NALF1: variants seen among roughly 807,000 people sequenced by gnomAD.
NALF1 encodes NALCN channel auxiliary factor 1, also known as family with sequence similarity 155 member A.
A neutral mutation model predicts 48.4 loss-of-function variants in NALF1; 3 were observed. That is an observed-to-expected ratio of 0.06 (90% CI 0.03 to 0.16). NALF1 has a LOEUF of 0.16. Ranked by LOEUF, NALF1 falls within the 10% of genes least tolerant of loss-of-function variation. The probability of loss-of-function intolerance (pLI) is 1.00; values close to 1 mark genes in which losing one functional copy is unlikely to be tolerated. For missense variants in NALF1, 526 were observed against 571.5 expected, an observed-to-expected ratio of 0.92 and a Z score of 0.81; for synonymous variants, 262 against 245.7, an observed-to-expected ratio of 1.07 and a Z score of -0.62.
At chr13:107,334,518 G>A (rs1373164263) in intron 1 of NALF1, among the ~76,000 whole-genome samples, 2 of 152,176 alleles carry the variant, frequency 1.3e-5, no homozygotes, top group African/African-American at 4.8e-5. Context: ...CTTAATGAGA[G>A]AGCGCCTTTA....
At chr13:107,512,392 A>AAAAAAAG (rs1369882921) in intron 1 of NALF1, among the ~76,000 whole-genome samples, 4 of 152,110 alleles carry the variant, frequency 2.6e-5, no homozygotes, top group Non-Finnish European at 4.4e-5. Flanking sequence ...GACTCCATCT[A>AAAAAAAG]AAAAAAGAAA....
intron 1 of NALF1, among the ~76,000 whole-genome samples, chr13:107,711,340 A>G (rs964451872): frequency 1.7e-4 from 26 of 152,112 alleles, no homozygotes; most frequent in African/African-American, 3.9e-4. Context: ...TTGTTTGTTT[A>G]TTTATTTATT....
At chr13:107,579,586 C>CTTCCT (rs1555310182) in intron 1 of NALF1, among the ~76,000 whole-genome samples, 2 of 150,696 alleles carry the variant, frequency 1.3e-5, no homozygotes, top group African/African-American at 2.4e-5. Context: ...AGTCTGATGC[C>CTTCCT]TTTCTTTTCT....
intron 2 of NALF1, among the ~76,000 whole-genome samples, chr13:107,187,515 A>G (rs2806498): frequency 0.012 from 1,893 of 152,260 alleles, 39 homozygotes; most frequent in African/African-American, 0.044. Context: ...AGTACTACCC[A>G]AAGGAGGTAA....
intron 1 of NALF1, among the ~76,000 whole-genome samples, chr13:107,290,346 T>C (rs1881595976): frequency 6.6e-6 from 1 of 152,150 alleles, no homozygotes; most frequent in Non-Finnish European, 1.5e-5. Flanking sequence ...TCGATACGGT[T>C]TGGCTGCATC....
chr13:107,603,760 T>C (rs886661656), intron 1 of NALF1, among the ~76,000 whole-genome samples: 1 of 152,192 alleles, frequency 6.6e-6, no homozygotes, highest in African/African-American at 2.4e-5. Flanking sequence ...TATATTTCCA[T>C]CTGTGACTCC....
At chr13:107,722,077 G>A (rs968868093) in intron 1 of NALF1, among the ~76,000 whole-genome samples, 10 of 152,128 alleles carry the variant, frequency 6.6e-5, no homozygotes, top group African/African-American at 1.2e-4. Flanking sequence ...ATTCTATGCA[G>A]AAAATGACCT....
intron 1 of NALF1, among the ~76,000 whole-genome samples, chr13:107,400,516 C>T (rs1883786723): frequency 6.6e-6 from 1 of 151,746 alleles, no homozygotes; most frequent in South Asian, 2.1e-4. Context: ...GAGATCAAGA[C>T]CATCCTGGCC....
chr13:107,634,486 A>T lies in NALF1; in HGVS notation c.915+231196T>A, dbSNP rs557745057. Among the ~76,000 whole-genome samples the T allele has an allele frequency of 1.1e-4, 16 of 152,260 alleles. No individual in the cohort carries two copies. In the East Asian group the frequency reaches 2.9e-3, roughly 28 times the overall value. The stretch of plus-strand genomic sequence containing the variant: ...ATGTATATGAACATGTCAGAAAATA[A>T]TTTTTTTCCAAAATGTAGTATTTGC... On this transcript the variant is annotated intron_variant, in intron 1 of 2. Coordinates refer to ENST00000375915, the MANE Select transcript of NALF1 (RefSeq NM_001080396.3).
At chr13:107,447,868 T>C (rs1021706039) in intron 1 of NALF1, among the ~76,000 whole-genome samples, 2 of 152,144 alleles carry the variant, frequency 1.3e-5, no homozygotes, top group African/African-American at 4.8e-5. Flanking sequence ...TAAATCACTG[T>C]GGGCTCTCTG....
intron 1 of NALF1, among the ~76,000 whole-genome samples, chr13:107,616,350 A>C (rs184353186): frequency 6.6e-6 from 1 of 152,316 alleles, no homozygotes; most frequent in African/African-American, 2.4e-5. Flanking sequence ...CCTCACACAG[A>C]GATCCCATCA....
At chr13:107,704,091 T>C (rs1881890335) in intron 1 of NALF1, among the ~76,000 whole-genome samples, 1 of 152,184 alleles carries the variant, frequency 6.6e-6, no homozygotes, top group South Asian at 2.1e-4. Context: ...TCAATGCATG[T>C]AAACCAATCT....
intron 1 of NALF1, among the ~76,000 whole-genome samples, chr13:107,247,025 G>A (rs1452950741): frequency 6.6e-6 from 1 of 152,046 alleles, no homozygotes; most frequent in East Asian, 1.9e-4. Context: ...TTTCTCATCT[G>A]TAAAAATTTA....
intron 1 of NALF1, among the ~76,000 whole-genome samples, chr13:107,478,185 C>T (rs1266707288): frequency 6.6e-6 from 1 of 152,148 alleles, no homozygotes; most frequent in Non-Finnish European, 1.5e-5. Context: ...TTTGCTTCAT[C>T]ATGATCCTTC....
intron 1 of NALF1, among the ~76,000 whole-genome samples, chr13:107,273,003 C>T (rs1881207250): frequency 6.6e-6 from 1 of 152,196 alleles, no homozygotes; most frequent in Non-Finnish European, 1.5e-5. Context: ...CAAAATATGA[C>T]ATCTTGGCAT....
chr13:107,619,521 A>C (rs7327656), intron 1 of NALF1, among the ~76,000 whole-genome samples: 88,370 of 152,092 alleles, frequency 0.58, 28,083 homozygotes, highest in East Asian at 0.99. Flanking sequence ...AAACTCAGGG[A>C]TGCCTGATAA....
At chr13:107,326,690 C>A (rs1254309237) in intron 1 of NALF1, among the ~76,000 whole-genome samples, 1 of 152,196 alleles carries the variant, frequency 6.6e-6, no homozygotes, top group South Asian at 2.1e-4. Flanking sequence ...CTACAGAATA[C>A]TTTAAGTGGG....
chr13:107,380,596 A>G (rs1286159709), intron 1 of NALF1, among the ~76,000 whole-genome samples: 1 of 152,198 alleles, frequency 6.6e-6, no homozygotes, highest in Non-Finnish European at 1.5e-5. Flanking sequence ...TTGAGAAGGT[A>G]TATTCCAGAA....
chr13:107,842,737 GC>G (rs1024333142), intron 1 of NALF1, among the ~76,000 whole-genome samples: 51 of 151,828 alleles, frequency 3.4e-4, no homozygotes, highest in Admixed American at 2.0e-4. Flanking sequence ...TGACAAACGA[GC>G]AAAAATTCCT....
Sources: allele counts gnomAD v4.1 joint callset (sites outside exome capture counted in the v4.1 genomes callset), GRCh38; gene constraint gnomAD v4.1.1; transcripts MANE v1.5; gene names NCBI Gene and HGNC (gene_info 2026-07-23, HGNC 2026-07-21).